Variants in PPP2R5E observed in about 807,000 individuals in gnomAD.
PPP2R5E encodes the protein serine/threonine-protein phosphatase 2A 56 kDa regulatory subunit epsilon isoform.
In PPP2R5E, 4 loss-of-function variants were observed where a neutral mutation model predicts 65.3. That is an observed-to-expected ratio of 0.06 (90% CI 0.03 to 0.14). PPP2R5E has a LOEUF of 0.14. Ranked by LOEUF, PPP2R5E falls within the 10% of genes least tolerant of loss-of-function variation. The probability of loss-of-function intolerance (pLI) is 1.00; values close to 1 mark genes in which losing one functional copy is unlikely to be tolerated. For missense variants in PPP2R5E, 274 were observed against 556.1 expected (o/e 0.49, Z 5.10); for synonymous variants, 183 against 187.4 (o/e 0.98, Z 0.19).
chr14:63,429,685 TTTTG>T (rs1403409921), intron 3 of PPP2R5E, among the ~76,000 whole-genome samples: 4 of 151,484 alleles, frequency 2.6e-5, no homozygotes, highest in African/African-American at 9.8e-5. Flanking sequence ...GTTTTTTGTT[TTTTG>T]TTTTTTTTTT....
intron 2 of PPP2R5E, among the ~76,000 whole-genome samples, chr14:63,479,695 A>G (rs934085407): frequency 6.6e-6 from 1 of 152,222 alleles, no homozygotes; most frequent in Non-Finnish European, 1.5e-5. Flanking sequence ...ACTGAAAAGG[A>G]TGATCTCTGA....
At chr14:63,434,262 AAAATGGCAG>A (rs1418498777) in intron 3 of PPP2R5E, among the ~76,000 whole-genome samples, 1 of 152,254 alleles carries the variant, frequency 6.6e-6, no homozygotes, top group African/African-American at 2.4e-5. Context: ...AAACAAACAA[AAAATGGCAG>A]ATACTCTAAT....
chr14:63,476,348 G>C (rs565091570), intron 2 of PPP2R5E, among the ~76,000 whole-genome samples: 23 of 152,096 alleles, frequency 1.5e-4, no homozygotes, highest in Non-Finnish European at 3.2e-4. Context: ...AGTGAGCTAA[G>C]CTGGCTAGGT....
chr14:63,483,044 C>A lies in PPP2R5E; in HGVS notation c.158-29159G>T, dbSNP rs149949573. On this transcript the variant is annotated intron_variant, in intron 2 of 13. Coordinates refer to ENST00000337537, the MANE Select transcript of PPP2R5E (RefSeq NM_006246.5). ...TATAGGCCAGGCCCAGTGGCTCACA[C>A]CTGTCATCCTAGGACTTTGGGAAGC... 2.7e-4 allele frequency among the ~76,000 whole-genome samples: 41 copies of A among 152,308 alleles called. No homozygotes were observed. The East Asian group carries it at 7.3e-3, about 27-fold the overall frequency.
chr14:63,489,485 C>G (rs964304316), intron 2 of PPP2R5E, among the ~76,000 whole-genome samples: 6 of 151,462 alleles, frequency 4.0e-5, no homozygotes, highest in African/African-American at 1.5e-4. Flanking sequence ...TCATGGCTCA[C>G]TGCAGCCTTG....
In PPP2R5E at chr14:63,395,305, GGGA is replaced by G; in HGVS notation, c.681-23_681-21del. 2 of 1,562,256 alleles carry G rather than the reference GGGA, an allele frequency of 1.3e-6. No individual in the cohort carries two copies. The highest frequency in any genetic ancestry group is 1.2e-5 in the South Asian group (1 of 86,522). ...ACAAACCTGAGAGAAGAGGAGAAAA[GGGA>G]GGAGAAAGGAGGAGAGGAGGAGGAG... On this transcript the variant is annotated intron_variant, in intron 6 of 13. Coordinates refer to ENST00000337537, the MANE Select transcript of PPP2R5E (RefSeq NM_006246.5).
chr14:63,386,411 G>T (rs1006453471), intron 11 of PPP2R5E, among the ~76,000 whole-genome samples: 4 of 152,342 alleles, frequency 2.6e-5, no homozygotes, highest in East Asian at 3.9e-4. Context: ...CACATGGCTA[G>T]TAAGTGGCAG....
intron 2 of PPP2R5E, among the ~76,000 whole-genome samples, chr14:63,469,113 T>C (rs976510600): frequency 3.9e-5 from 6 of 152,188 alleles, no homozygotes; most frequent in African/African-American, 1.4e-4. Context: ...TACAGAACAC[T>C]TTTTACATGC....
chr14:63,482,940 G>A (rs1890788100), intron 2 of PPP2R5E, among the ~76,000 whole-genome samples: 1 of 152,112 alleles, frequency 6.6e-6, no homozygotes, highest in Non-Finnish European at 1.5e-5. Flanking sequence ...GTGAACAAAA[G>A]TGACAAAGAT....
intron 11 of PPP2R5E, among the ~76,000 whole-genome samples, chr14:63,387,826 G>A (rs1884761809): frequency 6.6e-6 from 1 of 152,160 alleles, no homozygotes; most frequent in Admixed American, 6.5e-5. Flanking sequence ...TAATACAGGG[G>A]CCTTATAAGA....
intron 13 of PPP2R5E, among the ~76,000 whole-genome samples, chr14:63,380,668 C>CA (rs551126549): frequency 0.026 from 3,671 of 139,914 alleles, 107 homozygotes; most frequent in East Asian, 0.071. Context: ...TCTCAAAAAA[C>CA]AAAAAAAAAA....
At chr14:63,450,088 C>T (rs1356335879) in intron 3 of PPP2R5E, among the ~76,000 whole-genome samples, 2 of 152,042 alleles carry the variant, frequency 1.3e-5, no homozygotes, top group African/African-American at 2.4e-5. Flanking sequence ...GTTGGACAGG[C>T]TAGTCTCAAA....
chr14:63,462,970 C>T (rs1051849600), intron 2 of PPP2R5E, among the ~76,000 whole-genome samples: 1 of 150,922 alleles, frequency 6.6e-6, no homozygotes, highest in African/African-American at 2.4e-5. Flanking sequence ...GGTGTGGTGG[C>T]GCATGCCTGT....
At chr14:63,464,577 G>A (rs934080548) in intron 2 of PPP2R5E, among the ~76,000 whole-genome samples, 1 of 152,174 alleles carries the variant, frequency 6.6e-6, no homozygotes, top group Non-Finnish European at 1.5e-5. Flanking sequence ...AGGACAAGTG[G>A]CTGCAGAAGA....
Position 63,371,705 on chromosome 14 carries a change from T to G in PPP2R5E, c.*4304A>C, listed in dbSNP as rs1474704303. Reference sequence around the variant, plus strand: ...AACTTTTCATATCAAAAATGTTTCATTTTTACCTCTACTCACAAAGAGATG... The same window carrying G: ...AACTTTTCATATCAAAAATGTTTCAGTTTTACCTCTACTCACAAAGAGATG... On this transcript the variant is annotated 3_prime_UTR_variant, in exon 14 of 14. Coordinates refer to ENST00000337537, the MANE Select transcript of PPP2R5E (RefSeq NM_006246.5). 1 of 152,094 alleles carries G rather than the reference T, an allele frequency of 6.6e-6. No individual in the cohort carries two copies. Among genetic ancestry groups the G allele is most frequent in the African/African-American group, 2.4e-5 (1 of 41,404 alleles). 9.4% of individuals were successfully genotyped at this position (152,094 alleles called of 1,614,324 possible). A position where few individuals can be genotyped will look rare whatever the true frequency, so the allele number is the denominator to read the frequency against.
At chr14:63,387,627 C>T (rs1349535506) in intron 11 of PPP2R5E, among the ~76,000 whole-genome samples, 1 of 151,348 alleles carries the variant, frequency 6.6e-6, no homozygotes, top group Non-Finnish European at 1.5e-5. Flanking sequence ...GAGCCTCTTC[C>T]CTTTGTTCTC....
At chr14:63,531,155 C>T (rs749529100) in intron 2 of PPP2R5E, among the ~76,000 whole-genome samples, 2 of 152,012 alleles carry the variant, frequency 1.3e-5, no homozygotes, top group Non-Finnish European at 2.9e-5. Flanking sequence ...GCAACAAGAG[C>T]GAAACTCCCA....
At chr14:63,421,351 T>C (rs1055055586) in intron 4 of PPP2R5E, among the ~76,000 whole-genome samples, 5 of 152,138 alleles carry the variant, frequency 3.3e-5, no homozygotes, top group East Asian at 1.9e-4. Context: ...CAGTATGTAT[T>C]ATACAAGTTA....
At chr14:63,537,683 T>C (rs1405058121) in intron 2 of PPP2R5E, among the ~76,000 whole-genome samples, 1 of 152,202 alleles carries the variant, frequency 6.6e-6, no homozygotes, top group Non-Finnish European at 1.5e-5. Context: ...GTTTTTCTTA[T>C]AATACCTTCT....
Sources: allele counts gnomAD v4.1 joint callset (sites outside exome capture counted in the v4.1 genomes callset), GRCh38; gene constraint gnomAD v4.1.1; transcripts MANE v1.5; gene names NCBI Gene and HGNC (gene_info 2026-07-23, HGNC 2026-07-21).